Variants in BTG4 observed in about 807,000 individuals in gnomAD.
BTG4 encodes the protein BTG anti-proliferation factor 4.
BTG4 carries 10 observed loss-of-function variants against 19.3 expected under a neutral mutation model. That is an observed-to-expected ratio of 0.52 (90% confidence interval 0.32 to 0.88). The LOEUF is 0.88. Among genes scored for constraint, BTG4 ranks in the 40% least tolerant of loss-of-function variants. The pLI is 0.04. For synonymous variants in BTG4, 91 were observed against 95.7 expected, an observed-to-expected ratio of 0.95 and a Z score of 0.29; for missense variants, 238 against 281.9, an observed-to-expected ratio of 0.84 and a Z score of 1.11.
At chr11:111,427,222 G>C in the BTG4 span, among the ~76,000 whole-genome samples, 3 of 152,210 alleles carry the variant, frequency 2.0e-5, no homozygotes, top group Non-Finnish European at 4.4e-5. Context: ...CTAGAGACTA[G>C]AGGAAAGGTG....
chr11:111,447,266 A>G, the BTG4 span, among the ~76,000 whole-genome samples: 1 of 152,206 alleles, frequency 6.6e-6, no homozygotes, highest in Admixed American at 6.5e-5. Flanking sequence ...TTTTCTGGGT[A>G]TGCATATTCT....
chr11:111,453,634 C>T, the BTG4 span: 1 of 399,386 alleles, frequency 2.5e-6, no homozygotes, highest in South Asian at 1.8e-5. Flanking sequence ...ATCCAACTAG[C>T]CAGCTCCTGC....
chr11:111,507,613 A>G (rs941417882), intron 1 of BTG4, among the ~76,000 whole-genome samples: 8 of 152,170 alleles, frequency 5.3e-5, no homozygotes, highest in Non-Finnish European at 8.8e-5. Context: ...GGTGGTGCCA[A>G]TGCAGCAGAT....
At chr11:111,503,927 T>C (rs1224692957) in intron 1 of BTG4, among the ~76,000 whole-genome samples, 1 of 152,162 alleles carries the variant, frequency 6.6e-6, no homozygotes, top group Non-Finnish European at 1.5e-5. Context: ...ACTTCACTTA[T>C]AAAATGAAAA....
At chr11:111,420,777 G>A in the BTG4 span, among the ~76,000 whole-genome samples, 1 of 152,224 alleles carries the variant, frequency 6.6e-6, no homozygotes, top group Non-Finnish European at 1.5e-5. Flanking sequence ...GCATTATGCT[G>A]AGTGGTTGAC....
the BTG4 span, chr11:111,451,349 G>A: frequency 2.2e-6 from 1 of 448,822 alleles, no homozygotes; most frequent in Admixed American, 2.4e-5. Context: ...TCTTTCTGCA[G>A]CAGTTCCAAA....
At chr11:111,510,299 A>G (rs374206173) in intron 1 of BTG4, among the ~76,000 whole-genome samples, 66 of 152,298 alleles carry the variant, frequency 4.3e-4, no homozygotes, top group African/African-American at 1.5e-3. Context: ...TGCCAAAGCT[A>G]AAGCAGAAGG....
downstream of BTG4, among the ~76,000 whole-genome samples, chr11:111,493,630 T>A (rs774579129): frequency 6.6e-6 from 1 of 152,118 alleles, no homozygotes; most frequent in Non-Finnish European, 1.5e-5. Flanking sequence ...GCCAGTAAAC[T>A]AGTGTTGTGG....
At chr11:111,504,298 C>T (rs1165129813) in intron 1 of BTG4, among the ~76,000 whole-genome samples, 2 of 152,078 alleles carry the variant, frequency 1.3e-5, no homozygotes, top group East Asian at 1.9e-4. Context: ...AAGGAAGTTA[C>T]ATTAATTGCT....
chr11:111,428,797 A>G, the BTG4 span, among the ~76,000 whole-genome samples: 4 of 152,156 alleles, frequency 2.6e-5, no homozygotes, highest in African/African-American at 9.7e-5. Flanking sequence ...AGAGGCAGGA[A>G]TTTCTGCAAG....
the BTG4 span, among the ~76,000 whole-genome samples, chr11:111,404,005 C>A: frequency 4.5e-4 from 69 of 152,296 alleles, no homozygotes; most frequent in Non-Finnish European, 8.5e-4. Flanking sequence ...TGTCCCCACC[C>A]AAATCTCATC....
At chr11:111,428,512 C>A in the BTG4 span, among the ~76,000 whole-genome samples, 1 of 152,148 alleles carries the variant, frequency 6.6e-6, no homozygotes, top group Non-Finnish European at 1.5e-5. Flanking sequence ...CATTGGGCCA[C>A]ACAGTCATCT....
the BTG4 span, among the ~76,000 whole-genome samples, chr11:111,429,130 C>A: frequency 6.6e-6 from 1 of 152,164 alleles, no homozygotes; most frequent in Non-Finnish European, 1.5e-5. Context: ...CAATGTTGTG[C>A]AACCATCACC....
At chr11:111,428,935 A>C in the BTG4 span, among the ~76,000 whole-genome samples, 1 of 152,276 alleles carries the variant, frequency 6.6e-6, no homozygotes, top group African/African-American at 2.4e-5. Context: ...ATGTGCAATC[A>C]CCCGTAATAT....
At chr11:111,437,992 A>G in the BTG4 span, among the ~76,000 whole-genome samples, 1 of 152,158 alleles carries the variant, frequency 6.6e-6, no homozygotes, top group Admixed American at 6.5e-5. Flanking sequence ...ACTGACAGCT[A>G]TGACTCTGAC....
downstream of BTG4, among the ~76,000 whole-genome samples, chr11:111,491,880 T>C (rs1374795442): frequency 1.3e-5 from 2 of 152,148 alleles, no homozygotes; most frequent in Non-Finnish European, 2.9e-5. Context: ...ATTAATATAT[T>C]TAGGGGCTTT....
At chr11:111,468,018 G>A (rs1376937011) in intron 5 of BTG4, among the ~76,000 whole-genome samples, 1 of 152,172 alleles carries the variant, frequency 6.6e-6, no homozygotes, top group Non-Finnish European at 1.5e-5. Flanking sequence ...TCCTGTCCTG[G>A]CAGTTCTTCA....
At chr11:111,482,654 A>C (rs1452525671) in intron 5 of BTG4, among the ~76,000 whole-genome samples, 1 of 152,156 alleles carries the variant, frequency 6.6e-6, no homozygotes, top group Non-Finnish European at 1.5e-5. Flanking sequence ...TACTCAACTG[A>C]ATTTTCACAA....
downstream of BTG4, among the ~76,000 whole-genome samples, chr11:111,463,845 A>G (rs1863560587): frequency 6.6e-6 from 1 of 151,944 alleles, no homozygotes; most frequent in African/African-American, 2.4e-5. Flanking sequence ...TTCCAAGCTC[A>G]CTCTTATGGC....
Sources: gnomAD v4.1 joint callset for allele counts (sites outside exome capture counted in the v4.1 genomes callset) on GRCh38, gnomAD v4.1.1 for gene constraint, MANE v1.5 for transcripts, NCBI Gene and HGNC (gene_info 2026-07-23, HGNC 2026-07-21) for gene names.